MDGA2: variants seen among roughly 807,000 people sequenced by gnomAD.
MDGA2 encodes the protein MAM domain containing glycosylphosphatidylinositol anchor 2, also known as MAM domain-containing glycosylphosphatidylinositol anchor protein 2.
A neutral mutation model predicts 117.8 loss-of-function variants in MDGA2; 40 were observed. The ratio of observed to expected loss-of-function variants is 0.34; its 90% CI spans 0.26 to 0.44. MDGA2 has a LOEUF of 0.44. Among genes scored for constraint, MDGA2 ranks in the 20% least tolerant of loss-of-function variants. MDGA2 has a pLI of 1.00. For synonymous variants in MDGA2, 452 were observed against 439.0 expected (o/e 1.03, Z -0.37); for missense variants, 1,123 against 1,250.6 (o/e 0.90, Z 1.54).
intron 15 of MDGA2, among the ~76,000 whole-genome samples, chr14:46,847,218 AAAT>A (rs1247454930): frequency 6.6e-6 from 1 of 152,088 alleles, no homozygotes; most frequent in Admixed American, 6.6e-5. Context: ...TTCATCAAAC[AAAT>A]AATAATTTTC....
chr14:46,971,935 T>C (rs1886282920), intron 8 of MDGA2, among the ~76,000 whole-genome samples: 1 of 152,110 alleles, frequency 6.6e-6, no homozygotes, highest in Non-Finnish European at 1.5e-5. Context: ...ACTGTTGACT[T>C]TGGGTTGTTG....
intron 2 of MDGA2, among the ~76,000 whole-genome samples, chr14:47,229,598 A>G (rs1432293253): frequency 6.6e-6 from 1 of 152,036 alleles, no homozygotes; most frequent in Non-Finnish European, 1.5e-5. Flanking sequence ...GAAACAACTA[A>G]AAGTAACTAA....
rs188877416 is a variant in MDGA2 at position 47,161,127 on chromosome 14, C to T, written c.596-16853G>A. Reference sequence around the variant, plus strand: ...TTTTAAAAATTTCTAGCTGTATTTGCTTGCTGTTATGCTATTTTCAGCTTT... The same window carrying T: ...TTTTAAAAATTTCTAGCTGTATTTGTTTGCTGTTATGCTATTTTCAGCTTT... On this transcript the variant is annotated intron_variant, in intron 3 of 16. Transcript: ENST00000399232. Among the ~76,000 whole-genome samples, 190 of 152,000 alleles carry T rather than the reference C, an allele frequency of 1.3e-3. 1 individual carries two copies. Among genetic ancestry groups the T allele is most frequent in the Non-Finnish European group, 2.0e-3 (136 of 67,948 alleles).
chr14:47,473,732 T>C (rs1012312861), intron 1 of MDGA2, among the ~76,000 whole-genome samples: 1 of 152,096 alleles, frequency 6.6e-6, no homozygotes, highest in Non-Finnish European at 1.5e-5. Context: ...CACATAATTA[T>C]CTCAATAGAC....
At chr14:47,071,585 C>T (rs532727709) in intron 6 of MDGA2, among the ~76,000 whole-genome samples, 3 of 151,234 alleles carry the variant, frequency 2.0e-5, no homozygotes, top group Non-Finnish European at 1.5e-5. Flanking sequence ...AAAATTCTAT[C>T]AAACAAGCAA....
chr14:46,967,702 A>G (rs1886090678), intron 8 of MDGA2, among the ~76,000 whole-genome samples: 1 of 152,172 alleles, frequency 6.6e-6, no homozygotes, highest in Admixed American at 6.5e-5. Context: ...ATACATTCCA[A>G]GATCCCCAGC....
At chr14:46,919,943 GA>G (rs1566525390) in intron 10 of MDGA2, 68 bp downstream of exon 10, 1 of 1,402,716 alleles carries the variant, frequency 7.1e-7, no homozygotes, top group East Asian at 2.5e-5. Context: ...AAAACTCTTA[GA>G]AAAATGATAA....
chr14:47,073,677 A>G (rs1241061904), intron 6 of MDGA2, among the ~76,000 whole-genome samples: 1 of 152,168 alleles, frequency 6.6e-6, no homozygotes, highest in Non-Finnish European at 1.5e-5. Flanking sequence ...GTAAGAGAAG[A>G]CTTCATGTAT....
At chr14:47,463,425 AAAAT>A (rs1321751335) in intron 1 of MDGA2, among the ~76,000 whole-genome samples, 1 of 152,208 alleles carries the variant, frequency 6.6e-6, no homozygotes, top group Admixed American at 6.5e-5. Flanking sequence ...AGCAAATAAT[AAAAT>A]AAATAATATG....
chr14:47,605,880 C>G (rs1299860664), intron 1 of MDGA2, among the ~76,000 whole-genome samples: 1 of 152,096 alleles, frequency 6.6e-6, no homozygotes, highest in Non-Finnish European at 1.5e-5. Flanking sequence ...TCCCTTCCCA[C>G]TCTTTAGTGT....
rs78391477 is a variant in MDGA2 at position 46,910,849 on chromosome 14, C to T, written c.2238+9163G>A. Among the ~76,000 whole-genome samples, 673 of 152,178 alleles carry T rather than the reference C, an allele frequency of 4.4e-3. 2 individuals are homozygous for T. Among genetic ancestry groups the T allele is most frequent in the African/African-American group, 0.015 (625 of 41,532 alleles). ...TGCAATTATATCCTTTGCGGGGACA[C>T]GGATGGAGCTGGAGGCTATTGTCCT... On this transcript the variant is annotated intron_variant, in intron 10 of 16. Transcript: ENST00000399232.
chr14:47,155,193 CA>C (rs773131034), intron 3 of MDGA2, among the ~76,000 whole-genome samples: 5 of 152,150 alleles, frequency 3.3e-5, no homozygotes, highest in Admixed American at 2.0e-4. Flanking sequence ...TGCTATTGCT[CA>C]ATAAAGCTCC....
chr14:46,992,987 C>T (rs1194910669), intron 8 of MDGA2, among the ~76,000 whole-genome samples: 2 of 151,992 alleles, frequency 1.3e-5, no homozygotes, highest in Non-Finnish European at 2.9e-5. Flanking sequence ...AAATTGTATA[C>T]TTCATTCCCC....
chr14:46,878,573 A>G (rs1432370583), intron 11 of MDGA2, among the ~76,000 whole-genome samples: 2 of 152,066 alleles, frequency 1.3e-5, no homozygotes, highest in Non-Finnish European at 2.9e-5. Context: ...AACTTTTTCA[A>G]TGATTTCCAC....
chr14:47,403,504 C>T (rs1892198403), intron 1 of MDGA2, among the ~76,000 whole-genome samples: 1 of 152,174 alleles, frequency 6.6e-6, no homozygotes, highest in Non-Finnish European at 1.5e-5. Context: ...TCACTAGGTG[C>T]TGTCCGTTAA....
chr14:47,213,770 C>T (rs1002831615), intron 3 of MDGA2, among the ~76,000 whole-genome samples: 2 of 151,844 alleles, frequency 1.3e-5, no homozygotes, highest in Non-Finnish European at 2.9e-5. Context: ...TCTGAGAATA[C>T]TATTAGTCCA....
chr14:47,184,903 G>C (rs536193995), intron 3 of MDGA2, among the ~76,000 whole-genome samples: 10 of 151,218 alleles, frequency 6.6e-5, no homozygotes, highest in African/African-American at 2.4e-4. Context: ...TATAAAAATA[G>C]AATGTGTGAA....
chr14:46,854,040 G>C (rs1470392918), intron 15 of MDGA2, among the ~76,000 whole-genome samples: 1 of 151,694 alleles, frequency 6.6e-6, no homozygotes, highest in Admixed American at 6.6e-5. Context: ...CATTGTGAAT[G>C]ACTATGTATT....
intron 1 of MDGA2, among the ~76,000 whole-genome samples, chr14:47,339,381 T>C (rs1047543119): frequency 1.3e-5 from 2 of 152,102 alleles, no homozygotes; most frequent in African/African-American, 2.4e-5. Context: ...AGTTTGGATA[T>C]GGTTGGTTTG....
Sources: allele counts gnomAD v4.1 joint callset (sites outside exome capture counted in the v4.1 genomes callset), GRCh38; gene constraint gnomAD v4.1.1; transcripts MANE v1.5; gene names NCBI Gene and HGNC (gene_info 2026-07-23, HGNC 2026-07-21).